The following KIAA1217 variants were observed in gnomAD, a reference collection of about 807,000 sequenced individuals.
KIAA1217 encodes the protein sickle tail protein homolog.
A neutral mutation model predicts 163.9 loss-of-function variants in KIAA1217; 88 were observed. That is an observed-to-expected ratio of 0.54 (90% confidence interval 0.45 to 0.64). KIAA1217 has a LOEUF of 0.64. Among genes scored for constraint, KIAA1217 ranks in the 30% least tolerant of loss-of-function variants. The pLI is 0.00. For synonymous variants in KIAA1217, 903 were observed against 923.1 expected (o/e 0.98, Z 0.39); for missense variants, 2,372 against 2,475.0 (o/e 0.96, Z 0.88).
chr10:23,974,709 GA>G (rs1305258642), intron 1 of KIAA1217, among the ~76,000 whole-genome samples: 1 of 152,154 alleles, frequency 6.6e-6, no homozygotes, highest in Non-Finnish European at 1.5e-5. Flanking sequence ...ATTATATGCT[GA>G]AAAATGTGTG....
intron 2 of KIAA1217, among the ~76,000 whole-genome samples, chr10:24,078,788 C>T (rs1468047761): frequency 6.6e-6 from 1 of 152,054 alleles, no homozygotes; most frequent in Admixed American, 6.6e-5. Flanking sequence ...GAGAGAGAGA[C>T]AAATGAAAAG....
chr10:24,232,769 T>C (rs2071594044), intron 2 of KIAA1217, among the ~76,000 whole-genome samples: 2 of 151,920 alleles, frequency 1.3e-5, no homozygotes, highest in South Asian at 4.2e-4. Context: ...ATTAATTCAT[T>C]CAAATGCTTA....
chr10:24,222,935 T>C (rs1175068517), intron 2 of KIAA1217, among the ~76,000 whole-genome samples: 2 of 152,200 alleles, frequency 1.3e-5, no homozygotes, highest in Non-Finnish European at 2.9e-5. Flanking sequence ...GGTGGATTAT[T>C]CATGCCTCCC....
chr10:24,041,503 C>G (rs545167117), intron 2 of KIAA1217, among the ~76,000 whole-genome samples: 1 of 152,192 alleles, frequency 6.6e-6, no homozygotes, highest in African/African-American at 2.4e-5. Flanking sequence ...TTCCCTGACT[C>G]TCTCTCTCTG....
intron 2 of KIAA1217, among the ~76,000 whole-genome samples, chr10:24,328,500 G>GT (rs11304905): frequency 1.1e-4 from 17 of 148,724 alleles, no homozygotes; most frequent in Admixed American, 2.0e-4. Flanking sequence ...CAGTTTTTAT[G>GT]TTTTTTTTTT....
At chr10:24,019,511 G>A (rs550078709) in intron 2 of KIAA1217, among the ~76,000 whole-genome samples, 1 of 151,840 alleles carries the variant, frequency 6.6e-6, no homozygotes, top group Non-Finnish European at 1.5e-5. Context: ...GGGGAAGATA[G>A]AACACATTTC....
At chr10:24,161,312 G>A (rs368691653) in intron 2 of KIAA1217, among the ~76,000 whole-genome samples, 1 of 152,184 alleles carries the variant, frequency 6.6e-6, no homozygotes, top group African/African-American at 2.4e-5. Context: ...TAATGTACAG[G>A]CATTCATGGT....
intron 1 of KIAA1217, among the ~76,000 whole-genome samples, chr10:23,867,320 T>C (rs1840241956): frequency 1.3e-5 from 2 of 151,918 alleles, no homozygotes; most frequent in Admixed American, 1.3e-4. Context: ...TACGTGTGCA[T>C]GTGTCTTTAT....
At chr10:23,919,686 A>G (rs1474001030) in intron 1 of KIAA1217, among the ~76,000 whole-genome samples, 1 of 151,722 alleles carries the variant, frequency 6.6e-6, no homozygotes, top group Non-Finnish European at 1.5e-5. Flanking sequence ...ATTCATTCAT[A>G]CATGCCAAGT....
At chr10:24,073,002 G>A (rs929588284) in intron 2 of KIAA1217, among the ~76,000 whole-genome samples, 2 of 150,790 alleles carry the variant, frequency 1.3e-5, no homozygotes, top group African/African-American at 4.9e-5. Context: ...AGGCTGTAGT[G>A]AGCCCAAGAT....
intron 5 of KIAA1217, among the ~76,000 whole-genome samples, chr10:24,443,858 A>G (rs1462172970): frequency 1.3e-5 from 2 of 152,220 alleles, no homozygotes; most frequent in African/African-American, 2.4e-5. Context: ...AAAATACTGC[A>G]GCAAACCAAG....
chr10:23,706,788 G>C (rs371154654), intron 1 of KIAA1217, among the ~76,000 whole-genome samples: 2 of 152,098 alleles, frequency 1.3e-5, no homozygotes, highest in African/African-American at 4.8e-5. Flanking sequence ...TCTTAACACT[G>C]CTGTTCAGGC....
At chr10:23,989,637 G>A (rs1396858738) in intron 1 of KIAA1217, among the ~76,000 whole-genome samples, 1 of 152,118 alleles carries the variant, frequency 6.6e-6, no homozygotes, top group Non-Finnish European at 1.5e-5. Context: ...ATATTCCAAG[G>A]TGCCATATTT....
At chr10:23,744,283 T>G (rs1218532539) in intron 1 of KIAA1217, among the ~76,000 whole-genome samples, 2 of 152,166 alleles carry the variant, frequency 1.3e-5, no homozygotes, top group Non-Finnish European at 1.5e-5. Flanking sequence ...TCCCGCTGCT[T>G]TTAACATTTG....
chr10:24,542,576 G>A, intron 17 of KIAA1217, 117 bp from the exon 18 acceptor site: 1 of 1,540,382 alleles, frequency 6.5e-7, no homozygotes, highest in Non-Finnish European at 8.8e-7. Flanking sequence ...TGGTGTGTAA[G>A]AAATATGCGT....
chr10:24,154,374 C>T (rs1013862034), intron 2 of KIAA1217, among the ~76,000 whole-genome samples: 4 of 151,966 alleles, frequency 2.6e-5, no homozygotes, highest in African/African-American at 9.7e-5. Flanking sequence ...CTGCAGTGAG[C>T]TGTGATCACG....
chr10:24,203,594 G>A (rs553887491), intron 2 of KIAA1217, among the ~76,000 whole-genome samples: 1 of 150,234 alleles, frequency 6.7e-6, no homozygotes, highest in East Asian at 2.0e-4. Context: ...GCAGCTTTGA[G>A]AAATGGCAGA....
At chr10:23,933,672 C>T (rs1031741899) in intron 1 of KIAA1217, among the ~76,000 whole-genome samples, 21 of 151,762 alleles carry the variant, frequency 1.4e-4, no homozygotes, top group African/African-American at 5.1e-4. Flanking sequence ...CCAGAATTTA[C>T]AAGGAACTTA....
chr10:23,730,500 T>G (rs12779031), intron 1 of KIAA1217, among the ~76,000 whole-genome samples: 1 of 151,974 alleles, frequency 6.6e-6, no homozygotes, highest in Admixed American at 6.5e-5. Flanking sequence ...CCATATAAAC[T>G]TCAGAATCAG....
Sources: allele counts gnomAD v4.1 joint callset (sites outside exome capture counted in the v4.1 genomes callset), GRCh38; gene constraint gnomAD v4.1.1; transcripts MANE v1.5; gene names NCBI Gene and HGNC (gene_info 2026-07-23, HGNC 2026-07-21).